ARHGEF4: variants seen among roughly 807,000 people sequenced by gnomAD.
The protein encoded by ARHGEF4 is Rho guanine nucleotide exchange factor 4.
Under a neutral mutation model 162.0 loss-of-function variants are expected in ARHGEF4, and 119 were observed. The ratio of observed to expected loss-of-function variants is 0.73; its 90% CI spans 0.63 to 0.86. The LOEUF (loss-of-function observed/expected upper bound fraction) is 0.86. Among genes scored for constraint, ARHGEF4 ranks in the 40% least tolerant of loss-of-function variants. The pLI is 0.00. For synonymous variants in ARHGEF4, 1,014 were observed against 979.9 expected, an observed-to-expected ratio of 1.03 and a Z score of -0.65; for missense variants, 2,488 against 2,456.0, an observed-to-expected ratio of 1.01 and a Z score of -0.28.
chr2:130,969,774 A>C (rs1685241952), intron 4 of ARHGEF4, among the ~76,000 whole-genome samples: 1 of 152,140 alleles, frequency 6.6e-6, no homozygotes, highest in Non-Finnish European at 1.5e-5. Context: ...ATTGCCCCAG[A>C]ACATGAGTGA....
At chr2:130,883,063 T>C (rs529684712) in intron 1 of ARHGEF4, among the ~76,000 whole-genome samples, 6 of 152,210 alleles carry the variant, frequency 3.9e-5, no homozygotes, top group Middle Eastern at 3.4e-3. Context: ...TTTCTACCTC[T>C]AACCCCTATG....
intron 1 of ARHGEF4, among the ~76,000 whole-genome samples, chr2:130,847,109 G>C (rs988144312): frequency 2.0e-5 from 3 of 152,206 alleles, no homozygotes; most frequent in Non-Finnish European, 2.9e-5. Flanking sequence ...GTCCAGTCAA[G>C]GCGACCCTGA....
Position 130,916,698 on chromosome 2 carries a change from A to G in ARHGEF4, c.2752A>G (p.Asn918Asp), listed in dbSNP as rs1440470609. ...RLALAHKTFS[N>D]FIESIVLEKE... is the part of the protein sequence containing the mutation. ...GGCCTTGGCTCATAAGACCTTTTCAAACTTTATTGAGTCAATAGTTCTAGA... is the reference window on the plus strand; with the variant it reads ...GGCCTTGGCTCATAAGACCTTTTCAGACTTTATTGAGTCAATAGTTCTAGA... Residue 918 changes from asparagine (N) to aspartate (D), a missense_variant, in exon 2 of 14, where the codon AAC becomes GAC. Physicochemically the swap from Asn to Asp is conservative, Grantham distance 23. Coordinates refer to ENST00000409359, the MANE Select transcript of ARHGEF4 (RefSeq NM_001367493.1). 6.4e-7 allele frequency: 1 copy of G among 1,550,564 alleles called. No homozygotes were observed. The highest frequency in any genetic ancestry group is 8.7e-7 in the Non-Finnish European group (1 of 1,147,010).
intron 1 of ARHGEF4, among the ~76,000 whole-genome samples, chr2:130,838,551 A>G (rs183967499): frequency 6.6e-6 from 1 of 152,256 alleles, no homozygotes; most frequent in East Asian, 1.9e-4. Flanking sequence ...GGTTGCAGTG[A>G]GCCAAGATAG....
rs192849256 is a variant in ARHGEF4 at position 130,985,923 on chromosome 2, G to A, written c.3985+39288G>A. ...ATTGTGAGTGATGTGCGTGCGTAGG[G>A]TGTGTTGCATGTGTGTGTTGAGTGT... On this transcript the variant is annotated intron_variant, in intron 4 of 13. Coordinates refer to ENST00000409359, the MANE Select transcript of ARHGEF4 (RefSeq NM_001367493.1). Among the ~76,000 whole-genome samples, 249 of 151,936 alleles carry A rather than the reference G, an allele frequency of 1.6e-3. 2 individuals are homozygous for A. The highest frequency in any genetic ancestry group is 6.8e-3 in the East Asian group (35 of 5,134).
At chr2:131,003,822 G>A (rs973868701) in intron 4 of ARHGEF4, among the ~76,000 whole-genome samples, 2 of 152,166 alleles carry the variant, frequency 1.3e-5, no homozygotes, top group East Asian at 3.8e-4. Context: ...CAGTCTTCTG[G>A]GAAGTAGGCT....
intron 1 of ARHGEF4, among the ~76,000 whole-genome samples, chr2:130,865,056 C>T (rs1048687564): frequency 1.3e-5 from 2 of 152,226 alleles, no homozygotes; most frequent in African/African-American, 4.8e-5. Flanking sequence ...GTCATACTCC[C>T]TGTCCTCAGA....
chr2:131,035,502 G>C (rs944278350), intron 5 of ARHGEF4: 1 of 364,772 alleles, frequency 2.7e-6, no homozygotes, highest in Non-Finnish European at 4.2e-6. Context: ...GGGGGCGAGG[G>C]GGGAGGCCAA....
intron 1 of ARHGEF4, among the ~76,000 whole-genome samples, chr2:130,893,449 A>AT (rs1335026081): frequency 6.6e-6 from 1 of 152,210 alleles, no homozygotes; most frequent in Non-Finnish European, 1.5e-5. Flanking sequence ...ATTATGGAGA[A>AT]TGAGTAAATG....
chr2:130,895,281 G>A (rs1680090542), intron 1 of ARHGEF4, among the ~76,000 whole-genome samples: 1 of 152,172 alleles, frequency 6.6e-6, no homozygotes, highest in African/African-American at 2.4e-5. Flanking sequence ...CTTTTCCATG[G>A]CTGAGGGGTG....
At chr2:130,940,041 AG>A (rs1044457064) in intron 3 of ARHGEF4, among the ~76,000 whole-genome samples, 14 of 152,146 alleles carry the variant, frequency 9.2e-5, no homozygotes, top group Non-Finnish European at 1.8e-4. Flanking sequence ...AATGGGGGGC[AG>A]GGGGTATTTC....
intron 4 of ARHGEF4, among the ~76,000 whole-genome samples, chr2:130,949,799 C>G (rs1163290704): frequency 6.6e-6 from 1 of 152,196 alleles, no homozygotes; most frequent in East Asian, 1.9e-4. Context: ...CAGGTCCCCA[C>G]CACCATGCCC....
intron 4 of ARHGEF4, among the ~76,000 whole-genome samples, chr2:130,967,587 C>G (rs537595185): frequency 6.6e-6 from 1 of 152,266 alleles, no homozygotes; most frequent in African/African-American, 2.4e-5. Context: ...AGCATGCATC[C>G]GCAGGCAAGG....
intron 4 of ARHGEF4, among the ~76,000 whole-genome samples, chr2:130,948,146 C>T (rs1371033421): frequency 6.6e-6 from 1 of 152,128 alleles, no homozygotes; most frequent in African/African-American, 2.4e-5. Context: ...TTGGCATGTG[C>T]CTTGCTAAGG....
intron 5 of ARHGEF4, chr2:131,035,400 G>C (rs868441612): frequency 1.3e-5 from 11 of 845,468 alleles, no homozygotes; most frequent in Middle Eastern, 8.9e-4. Flanking sequence ...GCCTGGTCCG[G>C]GGGTGTCGCC....
intron 3 of ARHGEF4, among the ~76,000 whole-genome samples, chr2:130,937,217 T>C (rs947459581): frequency 6.6e-6 from 1 of 152,200 alleles, no homozygotes; most frequent in Admixed American, 6.5e-5. Flanking sequence ...GGGCTTTCTC[T>C]CTTTCTTTTG....
chr2:130,981,985 A>AGAATTGCC (rs200592987), intron 4 of ARHGEF4, among the ~76,000 whole-genome samples: 2,746 of 152,298 alleles, frequency 0.018, 43 homozygotes, highest in Non-Finnish European at 0.027. Context: ...ACAGTAAAAA[A>AGAATTGCC]GAATTGCCAA....
At chr2:130,930,734 A>G (rs1486050446) in intron 2 of ARHGEF4, among the ~76,000 whole-genome samples, 1 of 152,236 alleles carries the variant, frequency 6.6e-6, no homozygotes, top group African/African-American at 2.4e-5. Context: ...AATACTCTTG[A>G]AAGTAGACAT....
chr2:130,919,080 C>T (rs1251953549), intron 2 of ARHGEF4, among the ~76,000 whole-genome samples: 1 of 152,156 alleles, frequency 6.6e-6, no homozygotes, highest in Non-Finnish European at 1.5e-5. Context: ...ATCTTTCTTG[C>T]TTGCTTAATA....
Sources: gnomAD v4.1 joint callset for allele counts (sites outside exome capture counted in the v4.1 genomes callset) on GRCh38, gnomAD v4.1.1 for gene constraint, MANE v1.5 for transcripts, NCBI Gene and HGNC (gene_info 2026-07-23, HGNC 2026-07-21) for gene names.